The following ZNF516 variants were observed in gnomAD, a reference collection of about 807,000 sequenced individuals.
ZNF516 encodes the protein zinc finger protein 516.
A neutral mutation model predicts 79.7 loss-of-function variants in ZNF516; 19 were observed. The observed-to-expected ratio is 0.24, with a 90% CI of 0.17 to 0.35. The LOEUF is 0.35. ZNF516 is among the 10% of genes least tolerant of loss of function. ZNF516 has a pLI of 1.00. For missense variants in ZNF516, 1,678 were observed against 1,679.5 expected (o/e 1.00, Z 0.02); for synonymous variants, 877 against 739.5 (o/e 1.19, Z -3.02).
At chr18:76,460,192 G>A (rs1913012124) in intron 2 of ZNF516, among the ~76,000 whole-genome samples, 1 of 152,120 alleles carries the variant, frequency 6.6e-6, no homozygotes, top group African/African-American at 2.4e-5. Flanking sequence ...TCCTCATCCT[G>A]GCACAGAGCA....
intron 1 of ZNF516, among the ~76,000 whole-genome samples, chr18:76,469,138 G>A (rs1007232819): frequency 2.6e-5 from 4 of 152,190 alleles, no homozygotes; most frequent in African/African-American, 4.8e-5. Flanking sequence ...ATAAATAACC[G>A]AGGTAGTCAA....
intron 3 of ZNF516, among the ~76,000 whole-genome samples, chr18:76,434,053 G>A (rs546583973): frequency 2.0e-4 from 31 of 152,290 alleles, no homozygotes; most frequent in Middle Eastern, 3.4e-3. Context: ...GTTGCTGTCC[G>A]TTCTTCCAGC....
intron 3 of ZNF516, among the ~76,000 whole-genome samples, chr18:76,381,388 C>T (rs1678726916): frequency 6.6e-6 from 1 of 152,206 alleles, no homozygotes; most frequent in South Asian, 2.1e-4. Context: ...TTCTTCACCA[C>T]CCAGCCGCCA....
chr18:76,463,553 C>T (rs1341704958), intron 1 of ZNF516, among the ~76,000 whole-genome samples: 3 of 152,256 alleles, frequency 2.0e-5, no homozygotes, highest in Non-Finnish European at 2.9e-5. Context: ...ATCACACTGC[C>T]GACCGCCAGA....
intron 1 of ZNF516, among the ~76,000 whole-genome samples, chr18:76,492,018 C>G (rs1009688991): frequency 3.3e-5 from 5 of 152,182 alleles, no homozygotes; most frequent in African/African-American, 1.2e-4. Context: ...AGGTCGCCCA[C>G]GGACCCTCGG....
chr18:76,415,743 GA>G (rs1157784701), intron 3 of ZNF516, among the ~76,000 whole-genome samples: 1 of 152,212 alleles, frequency 6.6e-6, no homozygotes, highest in Non-Finnish European at 1.5e-5. Flanking sequence ...ACTGCATAGA[GA>G]AACCGGCTCA....
intron 3 of ZNF516, among the ~76,000 whole-genome samples, chr18:76,395,707 G>A (rs531528696): frequency 6.6e-6 from 1 of 151,860 alleles, no homozygotes; most frequent in East Asian, 1.9e-4. Flanking sequence ...TTCTAGATGA[G>A]GGAGTCTCTC....
intron 5 of ZNF516, among the ~76,000 whole-genome samples, 157 bp downstream of exon 5, chr18:76,371,310 G>T (rs1027582521): frequency 6.6e-6 from 1 of 152,196 alleles, no homozygotes; most frequent in Non-Finnish European, 1.5e-5. Context: ...GAGTGGGGGC[G>T]GCCTGTATAC....
At chr18:76,475,708 TG>T (rs1914134738) in intron 1 of ZNF516, among the ~76,000 whole-genome samples, 1 of 152,110 alleles carries the variant, frequency 6.6e-6, no homozygotes, top group Non-Finnish European at 1.5e-5. Flanking sequence ...CTGGCCACAC[TG>T]GGCACTGGGC....
chr18:76,489,758 G>A (rs1292018733), intron 1 of ZNF516, among the ~76,000 whole-genome samples: 2 of 152,080 alleles, frequency 1.3e-5, no homozygotes, highest in Non-Finnish European at 2.9e-5. Flanking sequence ...ATTTCTCAAA[G>A]TTAAAGTTCT....
chr18:76,432,723 GC>G (rs141598710), intron 3 of ZNF516, among the ~76,000 whole-genome samples: 222 of 152,344 alleles, frequency 1.5e-3, no homozygotes, highest in Non-Finnish European at 2.5e-3. Flanking sequence ...CCATCCAGTG[GC>G]CTGACCAACC....
chr18:76,447,737 TG>T (rs1247751580), intron 2 of ZNF516, among the ~76,000 whole-genome samples: 1 of 152,224 alleles, frequency 6.6e-6, no homozygotes, highest in Non-Finnish European at 1.5e-5. Flanking sequence ...ACAGATTTGT[TG>T]TTCTGGTAAG....
At chr18:76,482,657 G>C (rs1320891561) in intron 1 of ZNF516, among the ~76,000 whole-genome samples, 3 of 152,204 alleles carry the variant, frequency 2.0e-5, no homozygotes, top group Non-Finnish European at 2.9e-5. Context: ...ATGGGTTTCT[G>C]GGAAGGCAGC....
In ZNF516 at chr18:76,378,650, AG is replaced by A. The variant is rs145819766; in HGVS notation, c.3259+204del. Among the ~76,000 whole-genome samples, 345 of 152,348 alleles carry A rather than the reference AG, an allele frequency of 2.3e-3. 3 individuals carry two copies. The highest frequency in any genetic ancestry group is 8.0e-3 in the African/African-American group (332 of 41,588). On this transcript the variant is annotated intron_variant, in intron 4 of 6. Transcript: ENST00000443185. ...CCAGGCAGGCATTCCCCGGCAGGGC[AG>A]AATGTGGAGCCTGGGAGAGCTGTTC... is the stretch of plus-strand genomic sequence containing the variant.
Position 76,379,721 on chromosome 18 carries a change from T to G in ZNF516, c.2393A>C (p.Asn798Thr). ...ATTGCTTCTGATGCTTTTGTAACCA[T>G]TGGGCTGAATCCACGGGGGAGCCAC... ...NSVAPPWIQP[N>T]GYKSIRSNLV... The change falls in exon 4 of 7, where the codon AAT becomes ACT. Residue 798 changes from asparagine to threonine, a missense_variant. Transcript: ENST00000443185. 6.2e-7 allele frequency: 1 copy of G among 1,613,790 alleles called. No homozygotes were observed. Among genetic ancestry groups the G allele is most frequent in the Middle Eastern group, 1.6e-4 (1 of 6,062 alleles).
chr18:76,485,243 A>C (rs891211790), intron 1 of ZNF516, among the ~76,000 whole-genome samples: 4 of 152,256 alleles, frequency 2.6e-5, no homozygotes, highest in African/African-American at 9.6e-5. Flanking sequence ...GCTAATGGTC[A>C]TGCTAAAGAC....
chr18:76,438,404 T>C (rs2075773046), intron 3 of ZNF516, among the ~76,000 whole-genome samples: 2 of 152,244 alleles, frequency 1.3e-5, no homozygotes. Context: ...TCCAATTAGA[T>C]GCCCTTTCAC....
At chr18:76,432,087 G>T (rs1218190542) in intron 3 of ZNF516, among the ~76,000 whole-genome samples, 2 of 152,346 alleles carry the variant, frequency 1.3e-5, no homozygotes, top group South Asian at 4.1e-4. Context: ...GTCACCAGTT[G>T]AACAAGGAAG....
At chr18:76,440,827 T>C (rs2075808054) in intron 3 of ZNF516, among the ~76,000 whole-genome samples, 1 of 152,006 alleles carries the variant, frequency 6.6e-6, no homozygotes, top group Admixed American at 6.5e-5. Context: ...AGGGGGTGAA[T>C]GTCTCAGAAG....
Sources: allele counts gnomAD v4.1 joint callset (sites outside exome capture counted in the v4.1 genomes callset), GRCh38; gene constraint gnomAD v4.1.1; transcripts MANE v1.5; gene names NCBI Gene and HGNC (gene_info 2026-07-23, HGNC 2026-07-21).